Variants in CNOT6L observed in about 807,000 individuals in gnomAD.
CNOT6L encodes CCR4-NOT transcription complex subunit 6 like.
A neutral mutation model predicts 64.0 loss-of-function variants in CNOT6L; 7 were observed. The ratio of observed to expected loss-of-function variants is 0.11; its 90% confidence interval spans 0.06 to 0.21. The LOEUF is 0.21. Ranked by LOEUF, CNOT6L falls within the 10% of genes least tolerant of loss-of-function variation. CNOT6L has a pLI of 1.00. For synonymous variants in CNOT6L, 193 were observed against 243.4 expected (o/e 0.79, Z 1.93); for missense variants, 245 against 669.0 (o/e 0.37, Z 6.99).
At chr4:77,800,709 G>A (rs182532492) in intron 1 of CNOT6L, among the ~76,000 whole-genome samples, 2 of 152,288 alleles carry the variant, frequency 1.3e-5, no homozygotes, top group African/African-American at 4.8e-5. Flanking sequence ...TTTAGAATGT[G>A]TATAAGCCAT....
chr4:77,810,618 T>C (rs1257971348), intron 1 of CNOT6L, among the ~76,000 whole-genome samples: 1 of 152,174 alleles, frequency 6.6e-6, no homozygotes, highest in African/African-American at 2.4e-5. Context: ...ATCCATCATC[T>C]CAAACATGTA....
At chr4:77,798,121 T>C (rs1003264343) in intron 1 of CNOT6L, among the ~76,000 whole-genome samples, 2 of 151,188 alleles carry the variant, frequency 1.3e-5, no homozygotes, top group Non-Finnish European at 3.0e-5. Context: ...AGACCAGGAG[T>C]TCAAGACCAG....
At chr4:77,792,603 G>T (rs1433163399) in intron 1 of CNOT6L, among the ~76,000 whole-genome samples, 1 of 151,656 alleles carries the variant, frequency 6.6e-6, no homozygotes, top group Non-Finnish European at 1.5e-5. Flanking sequence ...GCATGCTCCT[G>T]TAATTCCAGC....
At chr4:77,733,251 A>C (rs1464915523) in intron 8 of CNOT6L, among the ~76,000 whole-genome samples, 1 of 152,140 alleles carries the variant, frequency 6.6e-6, no homozygotes, top group Non-Finnish European at 1.5e-5. Flanking sequence ...TATCAGTCTC[A>C]GTGTCCAATT....
In CNOT6L at chr4:77,728,835, G is replaced by A. The variant is rs745580033; in HGVS notation, c.1252+19C>T. ...TAAAAGTGAAATTGAAAGCAGTGAG[G>A]AAATGATATTATAAATACCTGAATC... On this transcript the variant is annotated intron_variant, in intron 10 of 11. Coordinates refer to ENST00000504123, the MANE Select transcript of CNOT6L (RefSeq NM_144571.3). 1.8e-5 allele frequency: 28 copies of A among 1,593,200 alleles called. No individual in the cohort carries two copies. Among genetic ancestry groups the A allele is most frequent in the Non-Finnish European group, 2.4e-5 (28 of 1,161,348 alleles).
upstream of CNOT6L, chr4:77,819,706 A>C (rs1734082392): frequency 6.8e-6 from 1 of 147,508 alleles, no homozygotes; most frequent in African/African-American, 2.5e-5. Flanking sequence ...GGCTGAGGGC[A>C]GCAAAGACAT....
intron 8 of CNOT6L, among the ~76,000 whole-genome samples, chr4:77,740,234 G>C (rs1020473402): frequency 6.6e-6 from 1 of 152,018 alleles, no homozygotes; most frequent in African/African-American, 2.4e-5. Flanking sequence ...AGTTAGGTGT[G>C]GTGGCATGCA....
intron 7 of CNOT6L, among the ~76,000 whole-genome samples, chr4:77,744,459 A>T (rs1262250468): frequency 6.6e-6 from 1 of 152,216 alleles, no homozygotes; most frequent in Non-Finnish European, 1.5e-5. Context: ...GGTGAATATT[A>T]ACATGAACGG....
intron 1 of CNOT6L, among the ~76,000 whole-genome samples, chr4:77,812,714 A>G (rs1445992590): frequency 6.6e-6 from 1 of 152,130 alleles, no homozygotes; most frequent in Non-Finnish European, 1.5e-5. Flanking sequence ...ATGTTCATGG[A>G]CAGGAAGCCC....
At chr4:77,790,577 T>C (rs143267742) in intron 1 of CNOT6L, among the ~76,000 whole-genome samples, 2,472 of 152,336 alleles carry the variant, frequency 0.016, 27 homozygotes, top group Non-Finnish European at 0.027. Context: ...TTTGGTGTTG[T>C]CAGTGTTTTG....
intron 3 of CNOT6L, 145 bp from the exon 4 acceptor site, chr4:77,773,311 G>A: frequency 1.8e-6 from 1 of 551,974 alleles, no homozygotes; most frequent in Non-Finnish European, 3.2e-6. Context: ...CAAAAACATT[G>A]CACAATATAA....
chr4:77,778,340 C>T lies in CNOT6L; in HGVS notation c.6-1948G>A, dbSNP rs953568812. 2.0e-5 allele frequency among the ~76,000 whole-genome samples: 3 copies of T among 151,790 alleles called. No homozygotes were observed. The South Asian group carries it at 6.2e-4, about 32-fold the overall frequency. ...CAAAGACACACTACATAATTCATTA[C>T]CTACAATGAGAATGGGTAAAACACC... On this transcript the variant is annotated intron_variant, in intron 1 of 11. Coordinates refer to ENST00000504123, the MANE Select transcript of CNOT6L (RefSeq NM_144571.3).
At chr4:77,783,825 CT>C (rs1187245607) in intron 1 of CNOT6L, among the ~76,000 whole-genome samples, 1 of 151,444 alleles carries the variant, frequency 6.6e-6, no homozygotes, top group African/African-American at 2.4e-5. Context: ...CAAGGAAATA[CT>C]TGGATTCAAT....
chr4:77,784,049 G>A (rs530496992), intron 1 of CNOT6L, among the ~76,000 whole-genome samples: 8 of 152,084 alleles, frequency 5.3e-5, no homozygotes, highest in South Asian at 4.1e-4. Context: ...AAGGTAATCC[G>A]AAGATAACTT....
Position 77,753,194 on chromosome 4 carries a change from A to AAAAAAAAAAAAACCCAGAAAG in CNOT6L, c.490+3667_490+3668insCTTTCTGGGTTTTTTTTTTTT, listed in dbSNP as rs1456898425. ...AGTAATTTAAAACTTCCTACCAGAA[A>AAAAAAAAAAAAACCCAGAAAG]AAAAAAAAAAACCCAGAAAGAAAAA... On this transcript the variant is annotated intron_variant, in intron 5 of 11. Coordinates refer to ENST00000504123, the MANE Select transcript of CNOT6L (RefSeq NM_144571.3). 1.8e-3 allele frequency among the ~76,000 whole-genome samples: 273 copies of AAAAAAAAAAAAACCCAGAAAG among 150,028 alleles called. 1 individual carries two copies. The highest frequency in any genetic ancestry group is 6.9e-3 in the Middle Eastern group (2 of 290).
At chr4:77,779,066 A>AC (rs1728523827) in intron 1 of CNOT6L, among the ~76,000 whole-genome samples, 1 of 104,204 alleles carries the variant, frequency 9.6e-6, no homozygotes, top group Non-Finnish European at 2.1e-5. Flanking sequence ...AAAAAAACAA[A>AC]AAAAAAACAC....
chr4:77,786,692 G>A (rs1007954444), intron 1 of CNOT6L, among the ~76,000 whole-genome samples: 12 of 151,370 alleles, frequency 7.9e-5, no homozygotes, highest in African/African-American at 2.7e-4. Flanking sequence ...CCCCAGGCTG[G>A]TCTTGAACTC....
chr4:77,733,078 A>C (rs1560576563), intron 8 of CNOT6L, among the ~76,000 whole-genome samples: 3 of 152,242 alleles, frequency 2.0e-5, no homozygotes, highest in African/African-American at 7.2e-5. Context: ...TTCTTCAAAC[A>C]ATTTTAAGCT....
At chr4:77,818,186 G>A (rs1733784278) in intron 1 of CNOT6L, among the ~76,000 whole-genome samples, 1 of 152,164 alleles carries the variant, frequency 6.6e-6, no homozygotes, top group Non-Finnish European at 1.5e-5. Context: ...CTTCCAATGT[G>A]TACAAACGGC....
Sources: gnomAD v4.1 joint callset for allele counts (sites outside exome capture counted in the v4.1 genomes callset) on GRCh38, gnomAD v4.1.1 for gene constraint, MANE v1.5 for transcripts, NCBI Gene and HGNC (gene_info 2026-07-23, HGNC 2026-07-21) for gene names.